TSG101: variants seen among roughly 807,000 people sequenced by gnomAD.
TSG101 encodes tumor susceptibility 101.
A neutral mutation model predicts 48.5 loss-of-function variants in TSG101; 19 were observed. The observed-to-expected ratio is 0.39, with a 90% CI of 0.27 to 0.58. TSG101 has a LOEUF of 0.58. Ranked by LOEUF, TSG101 falls within the 20% of genes least tolerant of loss-of-function variation. TSG101 has a pLI of 0.55. For synonymous variants in TSG101, 174 were observed against 169.4 expected (o/e 1.03, Z -0.21); for missense variants, 365 against 484.4 (o/e 0.75, Z 2.31).
chr11:18,480,652 GTT>G lies in TSG101; in HGVS notation c.1084-19_1084-18del, dbSNP rs750027663. The G allele has an allele frequency of 8.7e-6, 14 of 1,609,154 alleles. No homozygotes were observed. The highest frequency in any genetic ancestry group is 1.1e-5 in the Non-Finnish European group (13 of 1,176,652). Reference sequence around the variant, plus strand: ...ACGTACATGCTGGGAGGGGAGAAAAGTTTGAATAGTTTAGAATGGCTTTGATT... The same window carrying G: ...ACGTACATGCTGGGAGGGGAGAAAAGTGAATAGTTTAGAATGGCTTTGATT... On this transcript the variant is annotated intron_variant, in intron 9 of 9. Coordinates refer to ENST00000251968, the MANE Select transcript of TSG101 (RefSeq NM_006292.4).
intron 1 of TSG101, among the ~76,000 whole-genome samples, chr11:18,521,486 C>T (rs1451988949): frequency 2.0e-5 from 3 of 149,876 alleles, no homozygotes; most frequent in South Asian, 2.1e-4. Context: ...CTCCCACCAC[C>T]GCCTCCCAAG....
chr11:18,496,237 G>C (rs1849774568), intron 7 of TSG101, among the ~76,000 whole-genome samples: 1 of 152,068 alleles, frequency 6.6e-6, no homozygotes, highest in Non-Finnish European at 1.5e-5. Flanking sequence ...GCCGAGGCAG[G>C]TGGATCACCT....
Position 18,526,860 on chromosome 11 carries a change from C to G in TSG101, c.-44G>C, listed in dbSNP as rs1445490336. The G allele has an allele frequency of 4.4e-6, 7 of 1,586,940 alleles. No individual in the cohort carries two copies. Among genetic ancestry groups the G allele is most frequent in the Non-Finnish European group, 6.0e-6 (7 of 1,173,256 alleles). ...CCCTTCCCCGCAGGCAGAGGGTCAG[C>G]CGCTGCTGGGCTGCCCCAGACCGTC... On this transcript the variant is annotated 5_prime_UTR_variant, in exon 1 of 10. Transcript: ENST00000251968.
chr11:18,504,788 G>A (rs1328714281), intron 6 of TSG101, among the ~76,000 whole-genome samples: 5 of 152,122 alleles, frequency 3.3e-5, no homozygotes, highest in African/African-American at 1.2e-4. Flanking sequence ...TTCCCTCTAT[G>A]TCCAAAGCTG....
At chr11:18,516,249 T>C (rs889378247) in intron 2 of TSG101, 85 bp from the exon 3 acceptor site, 145 of 1,232,160 alleles carry the variant, frequency 1.2e-4, no homozygotes, top group Non-Finnish European at 3.5e-5. Flanking sequence ...TGGTTAAAAT[T>C]CATCATTATC....
intron 7 of TSG101, among the ~76,000 whole-genome samples, chr11:18,499,364 A>ATGTTTAT (rs1849845418): frequency 1.1e-5 from 1 of 89,024 alleles, no homozygotes; most frequent in African/African-American, 4.2e-5. Context: ...GTTTATATAT[A>ATGTTTAT]AATATGTTTA....
chr11:18,503,315 C>T (rs1849917654), intron 6 of TSG101, among the ~76,000 whole-genome samples: 4 of 151,814 alleles, frequency 2.6e-5, no homozygotes, highest in Admixed American at 2.0e-4. Context: ...TCCTAAAACT[C>T]GAATATTTGA....
Position 18,526,681 on chromosome 11 carries a change from T to G in TSG101, c.42+94A>C, listed in dbSNP as rs552536614. On this transcript the variant is annotated intron_variant, in intron 1 of 9. Coordinates refer to ENST00000251968, the MANE Select transcript of TSG101 (RefSeq NM_006292.4). ...ACTGCACCGGGGCTTCCGGCCCGTC[T>G]GGGAAGCTTGCTTGGCTGGGCCGGG... 2.2e-3 allele frequency: 3,193 copies of G among 1,474,838 alleles called. 5 individuals carry two copies. The highest frequency in any genetic ancestry group is 2.7e-3 in the Non-Finnish European group (2,925 of 1,095,602). The allele number at this position is 1,474,838 out of a possible 1,614,324, so 91.4% of individuals were successfully genotyped here.
At chr11:18,518,912 G>T (rs1297388614) in intron 2 of TSG101, among the ~76,000 whole-genome samples, 1 of 151,964 alleles carries the variant, frequency 6.6e-6, no homozygotes, top group Non-Finnish European at 1.5e-5. Flanking sequence ...GCATAACTAA[G>T]GGTCTACAGA....
intron 7 of TSG101, chr11:18,490,695 C>A: frequency 2.3e-6 from 1 of 444,270 alleles, no homozygotes; most frequent in South Asian, 2.2e-5. Context: ...TCCTGCAGTT[C>A]TGCCTCTATC....
At position 18,509,608 on chromosome 11, in the gene TSG101, G is replaced by A; in HGVS notation, c.415C>T (p.Pro139Ser). ...GAAATAGGACGAGAGAAGACTGGAG[G>A]TTCATCTCCAAATACCACAATCATG... ...QVMIVVFGDEPPVFSRPISAS... is the reference protein window; with the variant it reads ...QVMIVVFGDESPVFSRPISAS... Residue 139 changes from proline (P) to serine (S), a missense_variant, in exon 5 of 10, where the codon CCT becomes TCT. Pro to Ser is a moderately conservative substitution (Grantham distance 74). Coordinates refer to ENST00000251968, the MANE Select transcript of TSG101 (RefSeq NM_006292.4). 1.2e-6 allele frequency: 2 copies of A among 1,613,816 alleles called. No homozygotes were observed. Among genetic ancestry groups the A allele is most frequent in the East Asian group, 2.2e-5 (1 of 44,876 alleles).
chr11:18,511,891 T>C (rs190468166), intron 4 of TSG101, among the ~76,000 whole-genome samples: 5 of 152,282 alleles, frequency 3.3e-5, no homozygotes, highest in South Asian at 2.1e-4. Flanking sequence ...AATCATACAA[T>C]ATATGGCCTT....
At position 18,526,861 on chromosome 11, in the gene TSG101, C is replaced by T. The variant is rs749045561; in HGVS notation, c.-45G>A. Reference sequence around the variant, plus strand: ...CCTTCCCCGCAGGCAGAGGGTCAGCCGCTGCTGGGCTGCCCCAGACCGTCC... The same window carrying T: ...CCTTCCCCGCAGGCAGAGGGTCAGCTGCTGCTGGGCTGCCCCAGACCGTCC... On this transcript the variant is annotated 5_prime_UTR_variant, in exon 1 of 10. Transcript: ENST00000251968. 6.3e-7 allele frequency: 1 copy of T among 1,585,626 alleles called. No homozygotes were observed. Among genetic ancestry groups the T allele is most frequent in the Middle Eastern group, 1.7e-4 (1 of 6,034 alleles).
chr11:18,513,333 T>C (rs1276819301), intron 4 of TSG101, among the ~76,000 whole-genome samples: 2 of 152,044 alleles, frequency 1.3e-5, no homozygotes, highest in South Asian at 2.1e-4. Flanking sequence ...TCTTGCTCTG[T>C]TGTCCAGGCT....
intron 1 of TSG101, among the ~76,000 whole-genome samples, chr11:18,521,819 G>A (rs960830526): frequency 6.6e-6 from 1 of 151,748 alleles, no homozygotes; most frequent in Non-Finnish European, 1.5e-5. Context: ...TGGGACTACA[G>A]GTATGCGCCA....
chr11:18,512,593 A>G (rs1185653700), intron 4 of TSG101, among the ~76,000 whole-genome samples: 2 of 152,110 alleles, frequency 1.3e-5, no homozygotes, highest in Admixed American at 6.5e-5. Context: ...TGATAAATAT[A>G]AATTGTATGC....
chr11:18,518,694 TA>T (rs1470214927), intron 2 of TSG101, among the ~76,000 whole-genome samples: 4 of 151,700 alleles, frequency 2.6e-5, no homozygotes, highest in Non-Finnish European at 5.9e-5. Flanking sequence ...TTCCTGAAAA[TA>T]TAAAGAGACA....
At position 18,519,622 on chromosome 11, in the gene TSG101, T is replaced by G; in HGVS notation, c.43-19A>C. The G allele has an allele frequency of 6.3e-7, 1 of 1,577,638 alleles. No individual in the cohort carries two copies. On this transcript the variant is annotated intron_variant, in intron 1 of 9. Coordinates refer to ENST00000251968, the MANE Select transcript of TSG101 (RefSeq NM_006292.4). The stretch of plus-strand genomic sequence containing the variant: ...ATTTGTACTGAAAAGCAAAATCGCA[T>G]AAGAATTTAGTTTAAAACCAATGCA...
rs1246299841 is a variant in TSG101 at position 18,526,830 on chromosome 11, C to T, written c.-14G>A. 2.5e-6 allele frequency: 4 copies of T among 1,600,278 alleles called. No individual in the cohort carries two copies. The African/African-American group carries it at 5.3e-5, about 21-fold the overall frequency. On this transcript the variant is annotated 5_prime_UTR_variant, in exon 1 of 10. Coordinates refer to ENST00000251968, the MANE Select transcript of TSG101 (RefSeq NM_006292.4). ...CGACACCGCCATGACGGCCGCCTGG[C>T]GACTCCCTTCCCCGCAGGCAGAGGG...
Sources: allele counts gnomAD v4.1 joint callset (sites outside exome capture counted in the v4.1 genomes callset), GRCh38; gene constraint gnomAD v4.1.1; transcripts MANE v1.5; gene names NCBI Gene and HGNC (gene_info 2026-07-23, HGNC 2026-07-21).